Variants in PDE6G observed in about 807,000 individuals in gnomAD.
PDE6G encodes phosphodiesterase 6G.
A neutral mutation model predicts 10.9 loss-of-function variants in PDE6G; 10 were observed. The ratio of observed to expected loss-of-function variants is 0.91; its 90% CI spans 0.56 to 1.55. The LOEUF (loss-of-function observed/expected upper bound fraction) is 1.55, where lower values mean the gene tolerates loss of function less well. Among genes scored for constraint, PDE6G ranks in the 40% most tolerant of loss-of-function variants. The pLI is 0.00. For synonymous variants in PDE6G, 41 were observed against 42.8 expected, an observed-to-expected ratio of 0.96 and a Z score of 0.16; for missense variants, 102 against 110.1, an observed-to-expected ratio of 0.93 and a Z score of 0.33.
intron 1 of PDE6G, among the ~76,000 whole-genome samples, chr17:81,654,321 G>T (rs372380648): frequency 6.6e-6 from 1 of 151,610 alleles, no homozygotes; most frequent in Non-Finnish European, 1.5e-5. Context: ...CTCATCACGC[G>T]TCGAGTTAGC....
At chr17:81,652,103 CGT>C (rs900534539) in intron 2 of PDE6G, among the ~76,000 whole-genome samples, 57 of 151,804 alleles carry the variant, frequency 3.8e-4, no homozygotes, top group Admixed American at 2.4e-3. Context: ...TGTGCGCACA[CGT>C]GTGAGTGGAC....
chr17:81,653,451 A>T lies in PDE6G; in HGVS notation c.-59-87T>A. 1 of 869,610 alleles carries T rather than the reference A, an allele frequency of 1.1e-6. No individual in the cohort carries two copies. Among genetic ancestry groups the T allele is most frequent in the Non-Finnish European group, 1.8e-6 (1 of 562,618 alleles). The allele number at this position is 869,610 out of a possible 1,614,324, so 53.9% of individuals were successfully genotyped here. ...TCAACCCACCGGTGGAGGGGCTGAG[A>T]CCCAGCCCCGCCAGCTCCAGCGTCA... is the stretch of plus-strand genomic sequence containing the variant. On this transcript the variant is annotated intron_variant, in intron 1 of 3. Coordinates refer to ENST00000331056, the MANE Select transcript of PDE6G (RefSeq NM_002602.4). The surrounding 1 kb of genome is among the most constrained non-coding windows in gnomAD (Gnocchi z 5.2).
chr17:81,653,058 A>T lies in PDE6G; in HGVS notation c.146+102T>A, dbSNP rs749155998. 3.0e-5 allele frequency: 40 copies of T among 1,331,386 alleles called. No homozygotes were observed. Among genetic ancestry groups the T allele is most frequent in the Non-Finnish European group, 4.1e-5 (38 of 926,254 alleles). 82.5% of individuals were successfully genotyped at this position (1,331,386 alleles called of 1,614,324 possible). ...CCCAGCTGTGAGGCTGGGACCACTC[A>T]CCCAGTGAAGTGGCCCCAGGCTCTG... On this transcript the variant is annotated intron_variant, in intron 2 of 3. Coordinates refer to ENST00000331056, the MANE Select transcript of PDE6G (RefSeq NM_002602.4). This position sits in a 1 kb window ranked among gnomAD's most constrained non-coding sequence, Gnocchi z 5.2.
At chr17:81,657,030 G>A (rs1163223033), upstream of PDE6G, 1 of 216,234 alleles carries the variant, frequency 4.6e-6, no homozygotes, top group African/African-American at 2.3e-5. Context: ...CAGAAGCAAG[G>A]ACAATGTTGA....
upstream of PDE6G, among the ~76,000 whole-genome samples, chr17:81,657,885 GA>G (rs200459758): frequency 0.2 from 24,497 of 122,594 alleles, 2,437 homozygotes; most frequent in Middle Eastern, 0.27. Flanking sequence ...TGTTTCAAAT[GA>G]ATAAATAAAT....
At chr17:81,652,764 A>G (rs8067026) in intron 2 of PDE6G, among the ~76,000 whole-genome samples, 94,039 of 148,604 alleles carry the variant, frequency 0.63, 31,459 homozygotes, top group East Asian at 0.99. Context: ...TAGTAGAGAC[A>G]GGTTTCTCCA....
chr17:81,659,392 A>G (rs528872446), upstream of PDE6G, among the ~76,000 whole-genome samples: 1 of 152,070 alleles, frequency 6.6e-6, no homozygotes, highest in Admixed American at 6.6e-5. Flanking sequence ...TGAGGTCAGG[A>G]GTTTGAGACC....
Position 81,653,035 on chromosome 17 carries a change from C to T in PDE6G, c.146+125G>A. On this transcript the variant is annotated intron_variant, in intron 2 of 3. Coordinates refer to ENST00000331056, the MANE Select transcript of PDE6G (RefSeq NM_002602.4). This position sits in a 1 kb window ranked among gnomAD's most constrained non-coding sequence, Gnocchi z 5.2. ...CCCTCAGGCACCGCCCTACCTTCCC[C>T]AGCTGTGAGGCTGGGACCACTCACC... 8.6e-7 allele frequency: 1 copy of T among 1,161,466 alleles called. No individual in the cohort carries two copies. The highest frequency in any genetic ancestry group is 1.7e-5 in the Admixed American group (1 of 58,996). 71.9% of individuals were successfully genotyped at this position (1,161,466 alleles called of 1,614,324 possible). A position where few individuals can be genotyped will look rare whatever the true frequency, so the allele number is the denominator to read the frequency against.
Position 81,650,799 on chromosome 17 carries a change from C to T in PDE6G, c.*275G>A, listed in dbSNP as rs963810587. 8 of 545,510 alleles carry T rather than the reference C, an allele frequency of 1.5e-5. No homozygotes were observed. The highest frequency in any genetic ancestry group is 1.1e-4 in the African/African-American group (6 of 53,032). 33.8% of individuals were successfully genotyped at this position (545,510 alleles called of 1,614,324 possible). On this transcript the variant is annotated 3_prime_UTR_variant, in exon 4 of 4. Transcript: ENST00000331056. ...TCCCGTTCTCCCTGGGAGTGGAGAC[C>T]GACCAAGCCTCTCTGTGGGCAGGAC...
rs1046397329 is a variant in PDE6G, at chr17:81,650,685, A to C, written c.*389T>G. On this transcript the variant is annotated 3_prime_UTR_variant, in exon 4 of 4. Transcript: ENST00000331056. ...CAGGCAGGACAGGGGGCTGGGGTGC[A>C]GAAGCACTCTGGGGAGACCTGCCCT... 2.2e-6 allele frequency: 1 copy of C among 458,506 alleles called. No individual in the cohort carries two copies. Among genetic ancestry groups the C allele is most frequent in the Non-Finnish European group, 4.4e-6 (1 of 229,748 alleles). 28.4% of individuals were successfully genotyped at this position (458,506 alleles called of 1,614,324 possible).
At chr17:81,654,618 G>A (rs1434779301) in intron 1 of PDE6G, among the ~76,000 whole-genome samples, 6 of 151,570 alleles carry the variant, frequency 4.0e-5, no homozygotes, top group Admixed American at 3.9e-4. Context: ...TCCTGACCTT[G>A]TGATCCACCC....
In PDE6G at chr17:81,651,569, C is replaced by T. The variant is rs1598716935; in HGVS notation, c.187+76G>A. On this transcript the variant is annotated intron_variant, in intron 3 of 3. Transcript: ENST00000331056. The surrounding 1 kb of genome is among the most constrained non-coding windows in gnomAD (Gnocchi z 4.8). ...GGGAGGTGGGGGCCGAGGTGGGCTG[C>T]AATGGGCCCCGGGCGTGCTGGGTGT... The T allele has an allele frequency of 7.1e-7, 1 of 1,408,028 alleles. No individual in the cohort carries two copies. Among genetic ancestry groups the T allele is most frequent in the Non-Finnish European group, 1.0e-6 (1 of 992,906 alleles). 87.2% of individuals were successfully genotyped at this position (1,408,028 alleles called of 1,614,324 possible). A position where few individuals can be genotyped will look rare whatever the true frequency, so the allele number is the denominator to read the frequency against.
intron 1 of PDE6G, among the ~76,000 whole-genome samples, chr17:81,662,736 T>G (rs1300479975): frequency 6.6e-6 from 1 of 152,194 alleles, no homozygotes; most frequent in East Asian, 1.9e-4. Context: ...CAGTGGCTCA[T>G]GCCTGCAATC....
At chr17:81,655,245 C>T (rs977169685) in intron 1 of PDE6G, among the ~76,000 whole-genome samples, 2 of 152,162 alleles carry the variant, frequency 1.3e-5, no homozygotes, top group Admixed American at 6.5e-5. Flanking sequence ...CCAGGCACGG[C>T]GCCCCTGGGA....
Position 81,650,671 on chromosome 17 carries a change from G to A in PDE6G, c.*403C>T, listed in dbSNP as rs1314560172. The A allele has an allele frequency of 2.6e-5, 12 of 456,912 alleles. No homozygotes were observed. The highest frequency in any genetic ancestry group is 1.9e-4 in the South Asian group (12 of 64,496). 28.3% of individuals were successfully genotyped at this position (456,912 alleles called of 1,614,324 possible). On this transcript the variant is annotated 3_prime_UTR_variant, in exon 4 of 4. Coordinates refer to ENST00000331056, the MANE Select transcript of PDE6G (RefSeq NM_002602.4). ...TCTGTATCCCCTTACAGGCAGGACA[G>A]GGGGCTGGGGTGCAGAAGCACTCTG...
exon 1 of PDE6G, chr17:81,663,060 T>G (rs890235223): frequency 1.3e-5 from 2 of 152,168 alleles, no homozygotes; most frequent in African/African-American, 4.8e-5. Flanking sequence ...GAATCTTACT[T>G]CGGGAATTCT....
intron 1 of PDE6G, among the ~76,000 whole-genome samples, chr17:81,656,170 C>T (rs1303804170): frequency 2.6e-5 from 4 of 152,330 alleles, no homozygotes; most frequent in Admixed American, 6.5e-5. Flanking sequence ...ATGTGGAAAC[C>T]GCTGCCTGCG....
At chr17:81,661,987 C>T (rs1356310336) in intron 1 of PDE6G, among the ~76,000 whole-genome samples, 2 of 151,772 alleles carry the variant, frequency 1.3e-5, no homozygotes, top group Non-Finnish European at 2.9e-5. Flanking sequence ...GCCAAGATCG[C>T]ACCACTACAC....
At position 81,653,048 on chromosome 17, in the gene PDE6G, G is replaced by A; in HGVS notation, c.146+112C>T. The A allele has an allele frequency of 7.9e-7, 1 of 1,259,014 alleles. No homozygotes were observed. The highest frequency in any genetic ancestry group is 1.5e-5 in the African/African-American group (1 of 67,942). 78.0% of individuals were successfully genotyped at this position (1,259,014 alleles called of 1,614,324 possible). On this transcript the variant is annotated intron_variant, in intron 2 of 3. Coordinates refer to ENST00000331056, the MANE Select transcript of PDE6G (RefSeq NM_002602.4). The surrounding 1 kb of genome is among the most constrained non-coding windows in gnomAD (Gnocchi z 5.2). ...CCCTACCTTCCCCAGCTGTGAGGCTGGGACCACTCACCCAGTGAAGTGGCC... is the reference window on the plus strand; with the variant it reads ...CCCTACCTTCCCCAGCTGTGAGGCTAGGACCACTCACCCAGTGAAGTGGCC...
Sources: gnomAD v4.1 joint callset for allele counts (sites outside exome capture counted in the v4.1 genomes callset) on GRCh38, gnomAD v4.1.1 for gene constraint, Gnocchi (gnomAD v3.1) non-coding constraint, MANE v1.5 for transcripts, NCBI Gene and HGNC (gene_info 2026-07-23, HGNC 2026-07-21) for gene names.